Variants in FOXN3 observed in about 807,000 individuals in gnomAD.
The protein encoded by FOXN3 is forkhead box protein N3.
Under a neutral mutation model 38.4 loss-of-function variants are expected in FOXN3, and 7 were observed. The observed-to-expected ratio is 0.18, with a 90% CI of 0.10 to 0.34. FOXN3 has a LOEUF of 0.34. Among genes scored for constraint, FOXN3 ranks in the 10% least tolerant of loss-of-function variants. The pLI, the probability that FOXN3 is intolerant of heterozygous loss-of-function variation, is 1.00. For synonymous variants in FOXN3, 230 were observed against 242.2 expected (o/e 0.95, Z 0.47); for missense variants, 456 against 613.4 (o/e 0.74, Z 2.71).
intron 4 of FOXN3, among the ~76,000 whole-genome samples, chr14:89,235,393 A>C (rs1884948893): frequency 6.6e-6 from 1 of 152,156 alleles, no homozygotes; most frequent in African/African-American, 2.4e-5. Flanking sequence ...GGCTTCTGCC[A>C]ACCCCAATCA....
intron 4 of FOXN3, among the ~76,000 whole-genome samples, chr14:89,225,107 G>A (rs1301951281): frequency 7.3e-6 from 1 of 137,144 alleles, no homozygotes; most frequent in Non-Finnish European, 1.5e-5. Context: ...CCAGCCTGGC[G>A]ACAGAGTGAG....
In FOXN3 at chr14:89,190,426, C is replaced by T. The variant is rs770955386; in HGVS notation, c.746-9620G>A. 3.1e-6 allele frequency: 5 copies of T among 1,613,848 alleles called. No individual in the cohort carries two copies. The African/African-American group carries it at 6.7e-5, about 22-fold the overall frequency. On this transcript the variant is annotated intron_variant, in intron 4 of 5. Transcript: ENST00000557258. ...GGGGGAGTATTCAAAAGCATCATGG[C>T]ACTGGCAGCATCAATGTCAGGATCT...
intron 1 of FOXN3, among the ~76,000 whole-genome samples, chr14:89,433,002 G>A (rs1787728814): frequency 6.6e-6 from 1 of 152,230 alleles, no homozygotes; most frequent in African/African-American, 2.4e-5. Context: ...TTTTTCAAGG[G>A]CTACTAATCA....
chr14:89,311,543 G>A (rs953199447), intron 3 of FOXN3, among the ~76,000 whole-genome samples: 4 of 146,586 alleles, frequency 2.7e-5, no homozygotes, highest in African/African-American at 7.5e-5. Flanking sequence ...CTAGATACCT[G>A]TGGCCGGGTG....
At chr14:89,400,843 CT>C (rs889935264) in intron 2 of FOXN3, among the ~76,000 whole-genome samples, 31 of 152,158 alleles carry the variant, frequency 2.0e-4, no homozygotes, top group African/African-American at 6.5e-4. Context: ...CCCTCCTCCC[CT>C]AGTACATTAT....
intron 3 of FOXN3, among the ~76,000 whole-genome samples, chr14:89,327,693 AT>A (rs1165167881): frequency 1.3e-5 from 2 of 152,228 alleles, no homozygotes; most frequent in Non-Finnish European, 2.9e-5. Context: ...GCTTCTGACC[AT>A]ACCAGAGTTG....
At chr14:89,446,316 G>C (rs935671691) in intron 1 of FOXN3, among the ~76,000 whole-genome samples, 2 of 150,318 alleles carry the variant, frequency 1.3e-5, no homozygotes, top group African/African-American at 4.9e-5. Flanking sequence ...AGCCTCCCGA[G>C]TAGCTGGGAT....
intron 1 of FOXN3, among the ~76,000 whole-genome samples, chr14:89,538,824 T>C (rs888166750): frequency 1.3e-5 from 2 of 151,854 alleles, no homozygotes; most frequent in African/African-American, 4.8e-5. Context: ...TGGCCTTTTA[T>C]TATTATTATT....
chr14:89,412,334 A>C lies in FOXN3; in HGVS notation c.143T>G (p.Ile48Ser). ...DDDLDFSLPD[I>S]RLEEGAMEDE... ...TTCCATGGCCCCCTCTTCTAATCGG[A>C]TGTCAGGCAGAGAAAAGTCGAGGTC... Residue 48 changes from isoleucine (I) to serine (S), a missense_variant, in exon 2 of 6, where the codon ATC becomes AGC. By Grantham distance (142) the Ile-to-Ser change is moderately radical (BLOSUM62 -2). This residue lies in a region of FOXN3 where 59 missense variants were observed against 69.0 expected (regional missense o/e 0.85). Coordinates refer to ENST00000557258, the MANE Select transcript of FOXN3 (RefSeq NM_005197.4). The surrounding 1 kb of genome is among the most constrained non-coding windows in gnomAD (Gnocchi z 4.7). The C allele has an allele frequency of 6.2e-7, 1 of 1,614,078 alleles. No individual in the cohort carries two copies. Among genetic ancestry groups the C allele is most frequent in the Non-Finnish European group, 8.5e-7 (1 of 1,180,022 alleles).
intron 1 of FOXN3, among the ~76,000 whole-genome samples, chr14:89,476,924 A>G (rs894696920): frequency 6.6e-6 from 1 of 152,120 alleles, no homozygotes; most frequent in Admixed American, 6.5e-5. Flanking sequence ...ATAGAGAAGG[A>G]GGCAAGAATG....
intron 1 of FOXN3, among the ~76,000 whole-genome samples, chr14:89,605,500 A>G (rs931065699): frequency 1.3e-4 from 20 of 152,120 alleles, no homozygotes; most frequent in African/African-American, 4.8e-4. Flanking sequence ...AAGAGGCAGG[A>G]AAAATGGAAA....
At chr14:89,190,079 C>A (rs1398522873) in intron 4 of FOXN3, among the ~76,000 whole-genome samples, 2 of 152,196 alleles carry the variant, frequency 1.3e-5, no homozygotes, top group Non-Finnish European at 2.9e-5. Flanking sequence ...ACAATACCTG[C>A]AGGAGCAAGG....
In FOXN3 at chr14:89,586,023, A is replaced by G. The variant is rs1895834952; in HGVS notation, c.-15+33005T>C. On this transcript the variant is annotated intron_variant, in intron 1 of 6. Transcript: ENST00000345097. ...GGGATCGTAGCCCATCTCACTACGTATGTATGTGAAGTAGTATGTGGGGCT... is the reference window on the plus strand; with the variant it reads ...GGGATCGTAGCCCATCTCACTACGTGTGTATGTGAAGTAGTATGTGGGGCT... Among the ~76,000 whole-genome samples the G allele has an allele frequency of 4.6e-5, 7 of 152,168 alleles. 1 individual carries two copies. Among genetic ancestry groups the G allele is most frequent in the Admixed American group, 3.9e-4 (6 of 15,298 alleles).
intron 1 of FOXN3, among the ~76,000 whole-genome samples, chr14:89,474,720 G>C (rs1213994438): frequency 1.3e-5 from 2 of 152,174 alleles, no homozygotes; most frequent in Non-Finnish European, 1.5e-5. Context: ...GTCTCGGGTA[G>C]AAGAGCCAAG....
At chr14:89,220,299 C>A (rs1171356328) in intron 4 of FOXN3, among the ~76,000 whole-genome samples, 1 of 152,142 alleles carries the variant, frequency 6.6e-6, no homozygotes, top group Admixed American at 6.5e-5. Flanking sequence ...AGCAGTGTGA[C>A]CACAGTCAAG....
rs1887171290 is a variant in FOXN3, at chr14:89,163,867, T to C, written c.852-898A>G. ...AGTCTGACTCTCAGACTTGAGGTCT[T>C]AGCTACATCACCAGACCGACCCTCC... is the stretch of plus-strand genomic sequence containing the variant. On this transcript the variant is annotated intron_variant, in intron 5 of 5. Coordinates refer to ENST00000557258, the MANE Select transcript of FOXN3 (RefSeq NM_005197.4). The surrounding 1 kb of genome is among the most constrained non-coding windows in gnomAD (Gnocchi z 4.3). 1.3e-5 allele frequency among the ~76,000 whole-genome samples: 2 copies of C among 152,208 alleles called. No homozygotes were observed. Among genetic ancestry groups the C allele is most frequent in the Non-Finnish European group, 2.9e-5 (2 of 68,028 alleles).
intron 3 of FOXN3, among the ~76,000 whole-genome samples, chr14:89,324,959 T>C (rs1888006468): frequency 6.6e-6 from 1 of 152,172 alleles, no homozygotes; most frequent in East Asian, 1.9e-4. Context: ...CCTTAGGCCA[T>C]AGCAAGGCTC....
chr14:89,598,251 C>T (rs552166442), intron 1 of FOXN3, among the ~76,000 whole-genome samples: 1 of 152,152 alleles, frequency 6.6e-6, no homozygotes, highest in Admixed American at 6.5e-5. Context: ...TTTTAAACTC[C>T]ACAAAACATA....
intron 4 of FOXN3, among the ~76,000 whole-genome samples, chr14:89,233,253 G>A (rs1884872628): frequency 6.6e-6 from 1 of 152,212 alleles, no homozygotes; most frequent in African/African-American, 2.4e-5. Flanking sequence ...CTGGAAAGCT[G>A]AAATCTAACT....
Sources: gnomAD v4.1 joint callset for allele counts (sites outside exome capture counted in the v4.1 genomes callset) on GRCh38, gnomAD v4.1.1 for gene constraint, gnomAD v4.1.1 regional missense constraint, Gnocchi (gnomAD v3.1) non-coding constraint, MANE v1.5 for transcripts, NCBI Gene and HGNC (gene_info 2026-07-23, HGNC 2026-07-21) for gene names.